Variants in EPS15L1 observed in about 807,000 individuals in gnomAD.
EPS15L1 encodes the protein epidermal growth factor receptor pathway substrate 15 like 1, also known as epidermal growth factor receptor substrate 15-like 1.
Under a neutral mutation model 117.1 loss-of-function variants are expected in EPS15L1, and 43 were observed. That is an observed-to-expected ratio of 0.37 (90% CI 0.29 to 0.47). The LOEUF (loss-of-function observed/expected upper bound fraction) is 0.47, where lower values mean the gene tolerates loss of function less well. Among genes scored for constraint, EPS15L1 ranks in the 20% least tolerant of loss-of-function variants. The pLI, the probability that EPS15L1 is intolerant of heterozygous loss-of-function variation, is 0.99. For missense variants in EPS15L1, 981 were observed against 1,164.0 expected, an observed-to-expected ratio of 0.84 and a Z score of 2.29; for synonymous variants, 459 against 470.5, an observed-to-expected ratio of 0.98 and a Z score of 0.32.
Position 16,377,232 on chromosome 19 carries a change from G to A in EPS15L1, c.2270C>T (p.Thr757Ile). ...GAATCCTGCCCCTCCCAAGGAGGAG[G>A]TGAAAGGGCCAGAAGGTGGGGGCTG... ...MSKPPPSGPF[T>I]SSLGGAGFSD... The change falls in exon 22 of 24, where the codon ACC (threonine) becomes ATC (isoleucine). Residue 757 changes from threonine (T) to isoleucine (I), a missense_variant. This residue lies in a region of EPS15L1 where 819 missense variants were observed against 949.0 expected (regional missense o/e 0.86). Transcript: ENST00000455140. 5 of 1,613,092 alleles carry A rather than the reference G, an allele frequency of 3.1e-6. No homozygotes were observed. The highest frequency in any genetic ancestry group is 4.2e-6 in the Non-Finnish European group (5 of 1,179,640).
At chr19:16,369,554 C>G (rs1568392799) in intron 22 of EPS15L1, among the ~76,000 whole-genome samples, 1 of 151,988 alleles carries the variant, frequency 6.6e-6, no homozygotes, top group Admixed American at 6.6e-5. Context: ...TTGGGGTCCT[C>G]AAAAGGCAAA....
At chr19:16,415,138 G>A (rs1468125744) in intron 12 of EPS15L1, among the ~76,000 whole-genome samples, 1 of 152,202 alleles carries the variant, frequency 6.6e-6, no homozygotes, top group African/African-American at 2.4e-5. Flanking sequence ...AGGGTTTAGT[G>A]CCCTTATAAG....
intron 7 of EPS15L1, among the ~76,000 whole-genome samples, chr19:16,429,259 G>A (rs1037062546): frequency 2.0e-5 from 3 of 152,160 alleles, no homozygotes; most frequent in African/African-American, 7.2e-5. Flanking sequence ...GCCACTCAGT[G>A]CGCTGAAGAG....
intron 1 of EPS15L1, among the ~76,000 whole-genome samples, chr19:16,444,663 T>A (rs2093065986): frequency 6.6e-6 from 1 of 151,622 alleles, no homozygotes; most frequent in Non-Finnish European, 1.5e-5. Context: ...TCACTTCAGA[T>A]GACAAAGGTG....
chr19:16,356,389 G>C (rs892537725), intron 23 of EPS15L1: 1 of 153,256 alleles, frequency 6.5e-6, no homozygotes, highest in Non-Finnish European at 1.4e-5. Flanking sequence ...TCGGCTCATT[G>C]CAACATTCAC....
At chr19:16,456,399 G>A (rs2093196704) in intron 1 of EPS15L1, among the ~76,000 whole-genome samples, 2 of 151,616 alleles carry the variant, frequency 1.3e-5, no homozygotes, top group African/African-American at 2.4e-5. Flanking sequence ...GCTCACGCCT[G>A]TAATCTCAGC....
rs892461410 is a variant in EPS15L1 at position 16,417,568 on chromosome 19, T to A, written c.1177A>T (p.Ile393Phe). The A allele has an allele frequency of 1.1e-5, 17 of 1,613,824 alleles. 1 individual carries two copies. The highest frequency in any genetic ancestry group is 1.7e-6 in the Non-Finnish European group (2 of 1,179,926). Residue 393 changes from isoleucine to phenylalanine, a missense_variant, in exon 12 of 24, where the codon ATT (isoleucine) becomes TTT (phenylalanine). By Grantham distance (21) the Ile-to-Phe change is conservative. Transcript: ENST00000455140. ...VKELDDISQE[I>F]AQLQREKYSL... ...CCAACATACCTTTGTAACTGGGCAA[T>A]CTCTTGACTGATGTCATCAAGCTCC...
chr19:16,369,890 G>A (rs949742083), intron 22 of EPS15L1, among the ~76,000 whole-genome samples: 1 of 152,206 alleles, frequency 6.6e-6, no homozygotes, highest in African/African-American at 2.4e-5. Context: ...ATCCTCTGGG[G>A]GGATTTCCAG....
intron 1 of EPS15L1, among the ~76,000 whole-genome samples, chr19:16,470,319 G>C (rs574942750): frequency 1.4e-4 from 22 of 151,970 alleles, no homozygotes; most frequent in African/African-American, 4.8e-4. Context: ...CTCGGGAGGC[G>C]GAGGTTACAG....
intron 13 of EPS15L1, among the ~76,000 whole-genome samples, chr19:16,409,156 A>G (rs999720644): frequency 6.6e-6 from 1 of 152,196 alleles, no homozygotes; most frequent in Non-Finnish European, 1.5e-5. Context: ...CCTTGAGCCC[A>G]GGATTTTGAG....
intron 1 of EPS15L1, among the ~76,000 whole-genome samples, chr19:16,444,125 T>C (rs1199721951): frequency 6.9e-5 from 2 of 28,812 alleles, no homozygotes; most frequent in Admixed American, 3.6e-4. Flanking sequence ...AAAATGAAAA[T>C]AGAAGGAAAA....
chr19:16,391,390 TAAGAA>T (rs1251078276), intron 19 of EPS15L1, among the ~76,000 whole-genome samples: 2 of 151,976 alleles, frequency 1.3e-5, no homozygotes, highest in Non-Finnish European at 2.9e-5. Context: ...AAGGGGCCAA[TAAGAA>T]AATACTGCAA....
At chr19:16,379,025 C>T (rs1052241762) in intron 21 of EPS15L1, among the ~76,000 whole-genome samples, 5 of 152,070 alleles carry the variant, frequency 3.3e-5, no homozygotes, top group African/African-American at 4.8e-5. Context: ...TGTTCCTGGC[C>T]GGGCGCACTG....
intron 12 of EPS15L1, among the ~76,000 whole-genome samples, chr19:16,414,520 C>T (rs62118098): frequency 0.12 from 18,761 of 151,782 alleles, 1,457 homozygotes; most frequent in Middle Eastern, 0.18. Flanking sequence ...CCTGCCTCAG[C>T]CTCCCTAGTA....
At chr19:16,429,563 C>T (rs1301628097) in intron 7 of EPS15L1, among the ~76,000 whole-genome samples, 2 of 152,192 alleles carry the variant, frequency 1.3e-5, no homozygotes, top group African/African-American at 2.4e-5. Flanking sequence ...GAGGCTCAGG[C>T]CTCACCAGCC....
intron 8 of EPS15L1, among the ~76,000 whole-genome samples, chr19:16,426,439 G>C (rs1327930846): frequency 2.3e-4 from 35 of 152,164 alleles, no homozygotes; most frequent in Non-Finnish European, 1.0e-4. Flanking sequence ...TTCAAGACCA[G>C]CCTGGCCAAC....
At chr19:16,392,683 C>T (rs908977392) in intron 18 of EPS15L1, among the ~76,000 whole-genome samples, 1 of 152,114 alleles carries the variant, frequency 6.6e-6, no homozygotes, top group African/African-American at 2.4e-5. Context: ...TTTAATGAAA[C>T]TCATCTTATT....
chr19:16,386,107 C>T, intron 20 of EPS15L1, 64 bp downstream of exon 20: 1 of 1,272,632 alleles, frequency 7.9e-7, no homozygotes, highest in Admixed American at 1.7e-5. Context: ...AAAGTGTTAA[C>T]TGCGGGGGAG....
intron 1 of EPS15L1, among the ~76,000 whole-genome samples, chr19:16,451,894 T>C (rs2093147501): frequency 6.7e-6 from 1 of 149,610 alleles, no homozygotes. Flanking sequence ...TCCTAGCACT[T>C]TGGGAGGTCG....
Sources: gnomAD v4.1 joint callset for allele counts (sites outside exome capture counted in the v4.1 genomes callset) on GRCh38, gnomAD v4.1.1 for gene constraint, gnomAD v4.1.1 regional missense constraint, MANE v1.5 for transcripts, NCBI Gene and HGNC (gene_info 2026-07-23, HGNC 2026-07-21) for gene names.